Variants in MAPK8 observed in about 807,000 individuals in gnomAD.
MAPK8 encodes the protein mitogen-activated protein kinase 8.
In MAPK8, 13 loss-of-function variants were observed where a neutral mutation model predicts 52.9. That is an observed-to-expected ratio of 0.25 (90% confidence interval 0.16 to 0.39). MAPK8 has a LOEUF of 0.39. Among genes scored for constraint, MAPK8 ranks in the 10% least tolerant of loss-of-function variants. The pLI, the probability that MAPK8 is intolerant of heterozygous loss-of-function variation, is 1.00. For missense variants in MAPK8, 300 were observed against 519.2 expected (o/e 0.58, Z 4.10); for synonymous variants, 191 against 169.8 (o/e 1.12, Z -0.97).
At chr10:48,311,896 A>G (rs766274043) in intron 1 of MAPK8, among the ~76,000 whole-genome samples, 5 of 152,226 alleles carry the variant, frequency 3.3e-5, no homozygotes, top group Non-Finnish European at 7.3e-5. Context: ...TTTACTGAGC[A>G]TTGCACTATA....
Position 48,324,503 on chromosome 10 carries a change from G to GTTTTTTTTTT in MAPK8, c.-50+17690_-50+17699dup, listed in dbSNP as rs370766776. 8.4e-3 allele frequency among the ~76,000 whole-genome samples: 989 copies of GTTTTTTTTTT among 117,914 alleles called. 78 individuals carry two copies. Among genetic ancestry groups the GTTTTTTTTTT allele is most frequent in the South Asian group, 0.023 (78 of 3,418 alleles). 77.4% of individuals were successfully genotyped at this position (117,914 alleles called of 152,430 possible). A position where few individuals can be genotyped will look rare whatever the true frequency, so the allele number is the denominator to read the frequency against. ...TATACAACAGTTGTCCTGTTTTCTA[G>GTTTTTTTTTT]TTTTTTTTTTTTTTTTTACACTCAT... On this transcript the variant is annotated intron_variant, in intron 1 of 11. Coordinates refer to ENST00000374189, the MANE Select transcript of MAPK8 (RefSeq NM_001323329.2).
chr10:48,318,484 G>A (rs569205856), intron 1 of MAPK8, among the ~76,000 whole-genome samples: 2 of 152,334 alleles, frequency 1.3e-5, no homozygotes, highest in East Asian at 3.9e-4. Context: ...TGTGGTGGTG[G>A]TTGAGTGTGT....
intron 1 of MAPK8, among the ~76,000 whole-genome samples, chr10:48,366,874 C>CT (rs1304037440): frequency 1.3e-5 from 2 of 151,254 alleles, no homozygotes; most frequent in African/African-American, 2.4e-5. Flanking sequence ...TAGTAGCTGG[C>CT]TTTTAAAAAA....
chr10:48,314,272 A>C (rs1842278807), intron 1 of MAPK8, among the ~76,000 whole-genome samples: 1 of 151,922 alleles, frequency 6.6e-6, no homozygotes, highest in Admixed American at 6.6e-5. Context: ...TCTGTTCCTC[A>C]TCCTATCATG....
intron 1 of MAPK8, among the ~76,000 whole-genome samples, chr10:48,308,955 TTTC>T (rs1841676285): frequency 1.3e-5 from 2 of 152,094 alleles, no homozygotes; most frequent in Non-Finnish European, 1.5e-5. Context: ...AACTAATGAG[TTTC>T]TTATTATTTG....
chr10:48,336,124 G>A (rs1169741286), intron 1 of MAPK8, among the ~76,000 whole-genome samples: 2 of 151,926 alleles, frequency 1.3e-5, no homozygotes, highest in East Asian at 3.8e-4. Context: ...AGAATTTTTG[G>A]AAATAGTAAG....
At chr10:48,388,727 G>C (rs1003092224) in intron 1 of MAPK8, among the ~76,000 whole-genome samples, 5 of 152,064 alleles carry the variant, frequency 3.3e-5, no homozygotes, top group African/African-American at 1.2e-4. Context: ...GTAAAATTCT[G>C]GTTTTCTTTA....
intron 1 of MAPK8, among the ~76,000 whole-genome samples, chr10:48,325,736 C>T (rs1169824886): frequency 6.6e-6 from 1 of 152,112 alleles, no homozygotes; most frequent in Non-Finnish European, 1.5e-5. Flanking sequence ...TTTGTTTTTT[C>T]AAGATCCCAT....
Position 48,427,117 on chromosome 10 carries a change from G to A in MAPK8, c.1034G>A (p.Arg345Lys), listed in dbSNP as rs753698159. ...PKIPDKQLDE[R>K]EHTIEEWKEL... The stretch of plus-strand genomic sequence containing the variant: ...ATCCCTGACAAGCAGTTAGATGAAA[G>A]GGAACACACAATAGAAGAGTGGAAA... Residue 345 changes from arginine (R) to lysine (K), a missense_variant, in exon 10 of 12, where the codon AGG (arginine) becomes AAG (lysine). Physicochemically the swap from Arg to Lys is conservative, Grantham distance 26. This residue lies in a region of MAPK8 where 119 missense variants were observed against 154.4 expected (regional missense o/e 0.77). Coordinates refer to ENST00000374189, the MANE Select transcript of MAPK8 (RefSeq NM_001323329.2). The A allele has an allele frequency of 1.2e-6, 2 of 1,613,106 alleles. No individual in the cohort carries two copies. Among genetic ancestry groups the A allele is most frequent in the Non-Finnish European group, 1.7e-6 (2 of 1,179,404 alleles).
intron 1 of MAPK8, among the ~76,000 whole-genome samples, chr10:48,378,792 A>G (rs58136961): frequency 0.02 from 3,063 of 152,104 alleles, 44 homozygotes; most frequent in Middle Eastern, 0.034. Context: ...TTTAGTAACA[A>G]TCTCACTCTG....
At chr10:48,338,275 T>A (rs1275849619) in intron 1 of MAPK8, among the ~76,000 whole-genome samples, 1 of 152,162 alleles carries the variant, frequency 6.6e-6, no homozygotes, top group Non-Finnish European at 1.5e-5. Context: ...GTAGGTTTTT[T>A]CCTAGATACA....
intron 1 of MAPK8, among the ~76,000 whole-genome samples, chr10:48,381,819 T>G (rs2132736722): frequency 6.6e-6 from 1 of 152,312 alleles, no homozygotes; most frequent in South Asian, 2.1e-4. Context: ...TAACATGACT[T>G]CAAAACTTTA....
At chr10:48,322,795 G>A (rs538833391) in intron 1 of MAPK8, among the ~76,000 whole-genome samples, 1 of 152,248 alleles carries the variant, frequency 6.6e-6, no homozygotes, top group Admixed American at 6.5e-5. Context: ...TCCCTTATGA[G>A]CTTTTCCTTA....
In MAPK8 at chr10:48,436,160, A is replaced by G. The variant is rs1163941910; in HGVS notation, c.*1131A>G. The G allele has an allele frequency of 6.6e-6, 1 of 152,248 alleles. No individual in the cohort carries two copies. Among genetic ancestry groups the G allele is most frequent in the Non-Finnish European group, 1.5e-5 (1 of 68,052 alleles). The allele number at this position is 152,248 out of a possible 1,614,324, so 9.4% of individuals were successfully genotyped here. On this transcript the variant is annotated 3_prime_UTR_variant, in exon 12 of 12. Coordinates refer to ENST00000374189, the MANE Select transcript of MAPK8 (RefSeq NM_001323329.2). Reference sequence around the variant, plus strand: ...AAATGAGCAATATACCGTTCATCTGAAAATAGTAGCACACAGCCATATATA... The same window carrying G: ...AAATGAGCAATATACCGTTCATCTGGAAATAGTAGCACACAGCCATATATA...
intron 1 of MAPK8, among the ~76,000 whole-genome samples, chr10:48,312,067 C>G (rs1180444593): frequency 6.6e-6 from 1 of 152,188 alleles, no homozygotes; most frequent in African/African-American, 2.4e-5. Context: ...TTAGGAATTT[C>G]TTTTGTCATT....
At chr10:48,384,321 A>C (rs534105695) in intron 1 of MAPK8, among the ~76,000 whole-genome samples, 1 of 152,332 alleles carries the variant, frequency 6.6e-6, no homozygotes, top group South Asian at 2.1e-4. Context: ...GCCAATGGTA[A>C]GTTTCTAGTG....
intron 1 of MAPK8, among the ~76,000 whole-genome samples, chr10:48,350,179 T>C (rs1846171432): frequency 6.6e-6 from 1 of 152,232 alleles, no homozygotes; most frequent in Non-Finnish European, 1.5e-5. Context: ...AGCCGAATTC[T>C]ACCAGAGGTA....
At chr10:48,333,063 C>T (rs1240133627) in intron 1 of MAPK8, among the ~76,000 whole-genome samples, 3 of 152,194 alleles carry the variant, frequency 2.0e-5, no homozygotes, top group Non-Finnish European at 2.9e-5. Context: ...CACAAACAGC[C>T]TTATCTCATC....
chr10:48,366,135 T>C (rs1848005813), intron 1 of MAPK8, among the ~76,000 whole-genome samples: 1 of 152,042 alleles, frequency 6.6e-6, no homozygotes, highest in African/African-American at 2.4e-5. Context: ...ATACTTAACC[T>C]GCTATAACTT....
Sources: allele counts gnomAD v4.1 joint callset (sites outside exome capture counted in the v4.1 genomes callset), GRCh38; gene constraint gnomAD v4.1.1; regional missense constraint gnomAD v4.1.1; transcripts MANE v1.5; gene names NCBI Gene and HGNC (gene_info 2026-07-23, HGNC 2026-07-21).